ZKSCAN7: variants seen among roughly 807,000 people sequenced by gnomAD.
The protein encoded by ZKSCAN7 is zinc finger with KRAB and SCAN domains 7.
Under a neutral mutation model 65.3 loss-of-function variants are expected in ZKSCAN7, and 38 were observed. That is an observed-to-expected ratio of 0.58 (90% CI 0.45 to 0.76). The LOEUF is 0.76. ZKSCAN7 is among the 30% of genes least tolerant of loss of function. The pLI is 0.00. For missense variants in ZKSCAN7, 815 were observed against 913.3 expected (o/e 0.89, Z 1.39); for synonymous variants, 321 against 321.0 (o/e 1.00, Z 0.00).
intron 2 of ZKSCAN7, among the ~76,000 whole-genome samples, chr3:44,560,679 T>G (rs1052319221): frequency 2.0e-5 from 3 of 152,030 alleles, no homozygotes; most frequent in Non-Finnish European, 4.4e-5. Flanking sequence ...CAGCTAATTT[T>G]TTGTATTTTT....
chr3:44,576,950 C>T (rs1014849325), downstream of ZKSCAN7, among the ~76,000 whole-genome samples: 1 of 151,988 alleles, frequency 6.6e-6, no homozygotes, highest in Non-Finnish European at 1.5e-5. Context: ...CATTACTCCA[C>T]ATTGGAAACA....
chr3:44,573,476 T>G (rs1575379319), downstream of ZKSCAN7, among the ~76,000 whole-genome samples: 1 of 152,186 alleles, frequency 6.6e-6, no homozygotes, highest in African/African-American at 2.4e-5. Flanking sequence ...CAGGCAAGTT[T>G]AGAAAGAATA....
rs759706541 is a variant in ZKSCAN7, at chr3:44,568,377, A to G, written c.755A>G (p.Gln252Arg). The G allele has an allele frequency of 2.5e-6, 4 of 1,614,078 alleles. No individual in the cohort carries two copies. The highest frequency in any genetic ancestry group is 3.4e-6 in the Non-Finnish European group (4 of 1,180,024). Residue 252 changes from glutamine (Q) to arginine (R), a missense_variant, in exon 5 of 6, where the codon CAG becomes CGG. By Grantham distance (43) the Gln-to-Arg change is conservative. Transcript: ENST00000426540. ...AAATGGAAAAGTCTCACACTCAGTC[A>G]GAGAGCCCTGCAGTGGAACATGATG... ...QKKWKSLTLSQRALQWNMMPE... is the reference protein window; with the variant it reads ...QKKWKSLTLSRRALQWNMMPE...
At chr3:44,567,135 GAGAAAGAAAGGAA>G (rs1308264918) in intron 3 of ZKSCAN7, among the ~76,000 whole-genome samples, 2 of 146,780 alleles carry the variant, frequency 1.4e-5, no homozygotes, top group Non-Finnish European at 3.0e-5. Context: ...GAGAGAGAAA[GAGAAAGAAAGGAA>G]AGAAAGAAAG....
intron 2 of ZKSCAN7, among the ~76,000 whole-genome samples, chr3:44,560,470 G>C (rs75130605): frequency 6.6e-6 from 1 of 150,396 alleles, no homozygotes; most frequent in South Asian, 2.1e-4. Flanking sequence ...GGGCTGCAGA[G>C]TCATGCAACT....
intron 2 of ZKSCAN7, among the ~76,000 whole-genome samples, chr3:44,563,338 T>G (rs544171627): frequency 9.2e-5 from 14 of 152,210 alleles, no homozygotes; most frequent in Non-Finnish European, 1.6e-4. Context: ...TTTATAGCAG[T>G]GCCCCACTTT....
intron 5 of ZKSCAN7, among the ~76,000 whole-genome samples, chr3:44,581,275 C>G (rs189793156): frequency 0.043 from 6,352 of 149,352 alleles, 183 homozygotes; most frequent in Middle Eastern, 0.062. Flanking sequence ...GACGCGGCCT[C>G]GGGCCCGCTG....
chr3:44,565,412 G>A, intron 2 of ZKSCAN7, 75 bp from the exon 3 acceptor site: 1 of 1,394,290 alleles, frequency 7.2e-7, no homozygotes, highest in South Asian at 1.7e-5. Flanking sequence ...TTTCTGGAGG[G>A]AGCTGCTTAG....
rs555308707 is a variant in ZKSCAN7, at chr3:44,560,610, G to A, written c.423+3140G>A. Among the ~76,000 whole-genome samples, 9 of 146,234 alleles carry A rather than the reference G, an allele frequency of 6.2e-5. 1 individual carries two copies. The highest frequency in any genetic ancestry group is 2.0e-4 in the East Asian group (1 of 5,022). On this transcript the variant is annotated intron_variant, in intron 2 of 5. Transcript: ENST00000426540. ...TCACTGCAAGCTCCGCCTCCTTCAC[G>A]CCATTCTCCTGCCTCAGCCTCCTGA...
chr3:44,580,791 T>C (rs1700056713), intron 5 of ZKSCAN7: 5 of 1,612,812 alleles, frequency 3.1e-6, no homozygotes, highest in Non-Finnish European at 4.2e-6. Context: ...CAAGAGGCCA[T>C]GCTCGTAAAG....
In ZKSCAN7 at chr3:44,578,616, G is replaced by A. The variant is rs533705281; in HGVS notation, c.812-4356G>A. 1.1e-4 allele frequency among the ~76,000 whole-genome samples: 16 copies of A among 152,286 alleles called. No homozygotes were observed. In the South Asian group the frequency reaches 1.7e-3, roughly 16 times the overall value. On this transcript the variant is annotated intron_variant, in intron 5 of 5. Coordinates refer to the ZKSCAN7 transcript ENST00000341840. ...GACTGCAGCTCCTCCAGGTACTGGC[G>A]CCGCAGGGCCTCAACATCCGAGTTG...
intron 2 of ZKSCAN7, among the ~76,000 whole-genome samples, chr3:44,563,672 C>T (rs115272734): frequency 0.035 from 5,165 of 148,966 alleles, 206 homozygotes; most frequent in African/African-American, 0.098. Flanking sequence ...CCCCGTGATC[C>T]AGTCACTTCC....
rs192914689 is a variant in ZKSCAN7 at position 44,562,016 on chromosome 3, G to C, written c.424-3471G>C. Among the ~76,000 whole-genome samples, 3 of 152,350 alleles carry C rather than the reference G, an allele frequency of 2.0e-5. No individual in the cohort carries two copies. The East Asian group carries it at 5.8e-4, about 29-fold the overall frequency. On this transcript the variant is annotated intron_variant, in intron 2 of 5. Coordinates refer to ENST00000426540, the MANE Select transcript of ZKSCAN7 (RefSeq NM_001288590.2). ...AGGGAATGCCTCAGCAAGACTGTGT[G>C]GGGGCTCCAACCTTGCATTTCCCCT...
chr3:44,580,276 G>T, intron 5 of ZKSCAN7: 1 of 1,613,884 alleles, frequency 6.2e-7, no homozygotes, highest in Non-Finnish European at 8.5e-7. Flanking sequence ...CAGTCCATGC[G>T]GTCGCTACTC....
intron 5 of ZKSCAN7, chr3:44,580,513 G>GC: frequency 6.2e-7 from 1 of 1,611,484 alleles, no homozygotes; most frequent in South Asian, 1.1e-5. Context: ...ACCTTGGCAG[G>GC]CCCAGGCTCC....
Position 44,568,397 on chromosome 3 carries a change from A to T in ZKSCAN7, c.775A>T (p.Met259Leu). ...TLSQRALQWN[M>L]MPENHHSMAS... is the part of the protein sequence containing the mutation. ...CAGTCAGAGAGCCCTGCAGTGGAAC[A>T]TGATGCCAGAAAATCACCATAGCAT... Residue 259 changes from methionine (M) to leucine (L), a missense_variant, in exon 5 of 6, where the codon ATG (methionine) becomes TTG (leucine). By Grantham distance (15) the Met-to-Leu change is conservative. This residue lies in a region of ZKSCAN7 where 578 missense variants were observed against 629.5 expected (regional missense o/e 0.92). Coordinates refer to ENST00000426540, the MANE Select transcript of ZKSCAN7 (RefSeq NM_001288590.2). The T allele has an allele frequency of 1.2e-6, 2 of 1,614,180 alleles. No homozygotes were observed. Among genetic ancestry groups the T allele is most frequent in the South Asian group, 2.2e-5 (2 of 91,078 alleles).
At chr3:44,583,363 A>G (rs1435103778) in exon 6 of ZKSCAN7, 3 of 154,638 alleles carry the variant, frequency 1.9e-5, no homozygotes, top group African/African-American at 7.2e-5. Context: ...TTCAATCTCT[A>G]TACAATGTGG....
intron 2 of ZKSCAN7, among the ~76,000 whole-genome samples, chr3:44,564,877 T>C (rs1448415580): frequency 6.6e-6 from 1 of 152,154 alleles, no homozygotes; most frequent in Non-Finnish European, 1.5e-5. Flanking sequence ...CTCGGCTCCC[T>C]GCAAACTCCA....
intron 5 of ZKSCAN7, among the ~76,000 whole-genome samples, chr3:44,581,745 C>G (rs1000938316): frequency 6.6e-6 from 1 of 152,184 alleles, no homozygotes; most frequent in African/African-American, 2.4e-5. Context: ...GAGTGGTATA[C>G]TTACTCACTT....
Sources: gnomAD v4.1 joint callset for allele counts (sites outside exome capture counted in the v4.1 genomes callset) on GRCh38, gnomAD v4.1.1 for gene constraint, gnomAD v4.1.1 regional missense constraint, MANE v1.5 for transcripts, NCBI Gene and HGNC (gene_info 2026-07-23, HGNC 2026-07-21) for gene names.